Variants in ANAPC1 observed in about 807,000 individuals in gnomAD.
The protein encoded by ANAPC1 is anaphase promoting complex subunit 1.
ANAPC1 carries 36 observed loss-of-function variants against 208.0 expected under a neutral mutation model. That is an observed-to-expected ratio of 0.17 (90% CI 0.13 to 0.23). The LOEUF (loss-of-function observed/expected upper bound fraction) is 0.23, where lower values mean the gene tolerates loss of function less well. ANAPC1 is among the 10% of genes least tolerant of loss of function. The pLI is 1.00. For synonymous variants in ANAPC1, 378 were observed against 695.2 expected, an observed-to-expected ratio of 0.54 and a Z score of 7.18; for missense variants, 942 against 2,011.6, an observed-to-expected ratio of 0.47 and a Z score of 10.17.
Position 111,856,669 on chromosome 2 carries a change from G to C in ANAPC1, c.1460C>G (p.Thr487Ser), listed in dbSNP as rs201323726. ...KDAAPVEKID[T>S]MLVLEGSGNL... ...TCCACTGCCTTCCAAGACCAGCATG[G>C]TGTCTATTTTCTAAAAAAACAAAAA... is the stretch of plus-strand genomic sequence containing the variant. The change falls in exon 13 of 48, where the codon ACC becomes AGC. Residue 487 changes from threonine (T) to serine (S), a missense_variant. Coordinates refer to ENST00000341068, the MANE Select transcript of ANAPC1 (RefSeq NM_022662.4). The C allele has an allele frequency of 6.2e-7, 1 of 1,613,714 alleles. No homozygotes were observed. The highest frequency in any genetic ancestry group is 1.3e-5 in the African/African-American group (1 of 74,870).
chr2:111,852,009 A>G (rs920831600), intron 13 of ANAPC1, among the ~76,000 whole-genome samples: 14 of 152,060 alleles, frequency 9.2e-5, no homozygotes, highest in Non-Finnish European at 1.5e-4. Context: ...AGCTAACAAA[A>G]TAACAGAAGT....
At chr2:111,864,230 G>A (rs1412207706) in intron 8 of ANAPC1, among the ~76,000 whole-genome samples, 1 of 151,718 alleles carries the variant, frequency 6.6e-6, no homozygotes, top group Non-Finnish European at 1.5e-5. Context: ...GAAGGCTGAG[G>A]CAGGAGGATC....
In ANAPC1 at chr2:111,856,863, T is replaced by A; in HGVS notation, c.1382A>T (p.Asn461Ile). The part of the protein sequence containing the change: ...QLRCVKFQES[N>I]DKTQLIFGSV... ...ACCAAAGATGAGCTGGGTTTTATCATTACTCTCTTGAAACTTTACACAGCT... is the reference window on the plus strand; with the variant it reads ...ACCAAAGATGAGCTGGGTTTTATCAATACTCTCTTGAAACTTTACACAGCT... Residue 461 changes from asparagine (N) to isoleucine (I), a missense_variant, in exon 12 of 48, where the codon AAT becomes ATT. Transcript: ENST00000341068. 1 of 1,612,098 alleles carries A rather than the reference T, an allele frequency of 6.2e-7. No individual in the cohort carries two copies. Among genetic ancestry groups the A allele is most frequent in the Non-Finnish European group, 8.5e-7 (1 of 1,179,814 alleles).
chr2:111,833,385 G>C (rs1573420645), intron 19 of ANAPC1, 74 bp from the exon 20 acceptor site: 10 of 1,424,324 alleles, frequency 7.0e-6, no homozygotes. Context: ...GGATTGATTA[G>C]TTGAATCTTT....
At chr2:111,865,189 G>C (rs913528832) in intron 7 of ANAPC1, among the ~76,000 whole-genome samples, 3 of 151,800 alleles carry the variant, frequency 2.0e-5, no homozygotes, top group African/African-American at 7.3e-5. Flanking sequence ...CATACATGCT[G>C]TTGCTAAATG....
In ANAPC1 at chr2:111,850,805, G is replaced by C. The variant is rs745817374; in HGVS notation, c.1621C>G (p.Leu541Val). Residue 541 changes from leucine (L) to valine (V), a missense_variant, in exon 14 of 48, where the codon CTT (leucine) becomes GTT (valine). Leu to Val is a conservative substitution (Grantham distance 32). Transcript: ENST00000341068. ...PLDGVSTPKP[L>V]SKLLGSLDEV... ...TCCAATGATCCAAGGAGTTTACTAA[G>C]AGGCTTTGGAGTACTAACGCCATCT... The C allele has an allele frequency of 2.0e-5, 33 of 1,611,818 alleles. No individual in the cohort carries two copies. The highest frequency in any genetic ancestry group is 2.6e-5 in the Non-Finnish European group (31 of 1,179,866).
At chr2:111,838,756 T>C (rs946804430) in intron 17 of ANAPC1, among the ~76,000 whole-genome samples, 2 of 152,232 alleles carry the variant, frequency 1.3e-5, no homozygotes, top group African/African-American at 4.8e-5. Flanking sequence ...AAGGACTGAT[T>C]TTAATGGTAG....
chr2:111,882,680 T>A (rs965308484), intron 1 of ANAPC1, among the ~76,000 whole-genome samples: 1 of 148,462 alleles, frequency 6.7e-6, no homozygotes, highest in African/African-American at 2.5e-5. Context: ...GAGGTTGCAG[T>A]GAGCCGAGAT....
At chr2:111,878,424 TTCTC>T (rs1169291127) in intron 3 of ANAPC1, among the ~76,000 whole-genome samples, 4 of 152,224 alleles carry the variant, frequency 2.6e-5, no homozygotes, top group Non-Finnish European at 4.4e-5. Context: ...ATTTTTTCCT[TTCTC>T]TCTACCATTA....
In ANAPC1 at chr2:111,784,327, T is replaced by C. The variant is rs1312958980; in HGVS notation, c.4991A>G (p.Lys1664Arg). Reference protein sequence around the residue: ...PTLLPELHLLKQIKVKGPRYW... With the variant: ...PTLLPELHLLRQIKVKGPRYW... Reference sequence around the variant, plus strand: ...TCCCGACCACACCCAGCTTACCTGCTTTAAAAGATGGAGTTCTGGAAGAAG... The same window carrying C: ...TCCCGACCACACCCAGCTTACCTGCCTTAAAAGATGGAGTTCTGGAAGAAG... Residue 1664 changes from lysine to arginine, a missense_variant, in exon 41 of 48, where the codon AAG becomes AGG. Lys to Arg is a conservative substitution (Grantham distance 26, BLOSUM62 2). Coordinates refer to ENST00000341068, the MANE Select transcript of ANAPC1 (RefSeq NM_022662.4). The C allele has an allele frequency of 6.2e-7, 1 of 1,613,902 alleles. No homozygotes were observed. Among genetic ancestry groups the C allele is most frequent in the Non-Finnish European group, 8.5e-7 (1 of 1,179,860 alleles).
At chr2:111,882,894 G>A (rs565146987) in intron 1 of ANAPC1, among the ~76,000 whole-genome samples, 21 of 151,386 alleles carry the variant, frequency 1.4e-4, no homozygotes, top group Non-Finnish European at 2.4e-4. Context: ...GGGGCAGGGC[G>A]TGGTGGCTCA....
chr2:111,797,981 C>A (rs2104548347), intron 34 of ANAPC1, among the ~76,000 whole-genome samples: 1 of 127,394 alleles, frequency 7.8e-6, no homozygotes, highest in East Asian at 2.2e-4. Context: ...CTATCTGCGC[C>A]AAGAAAGATG....
intron 13 of ANAPC1, 28 bp downstream of exon 13, chr2:111,856,586 A>C (rs779986705): frequency 6.3e-7 from 1 of 1,585,362 alleles, no homozygotes. Context: ...AGTCCTACTA[A>C]AGGCATGAAG....
chr2:111,797,753 C>T (rs1002057859), intron 34 of ANAPC1, among the ~76,000 whole-genome samples: 8 of 139,696 alleles, frequency 5.7e-5, no homozygotes, highest in Non-Finnish European at 9.3e-5. Flanking sequence ...GCATTTGTAA[C>T]AAAAAACAGC....
intron 11 of ANAPC1, 41 bp from the exon 12 acceptor site, chr2:111,856,927 A>T (rs189853030): frequency 6.8e-7 from 1 of 1,474,062 alleles, no homozygotes; most frequent in East Asian, 2.3e-5. Flanking sequence ...ACATGCAACA[A>T]CCTGTATGGG....
chr2:111,864,840 T>C lies in ANAPC1; in HGVS notation c.797A>G (p.His266Arg). Residue 266 changes from histidine (H) to arginine (R), a missense_variant, in exon 8 of 48, where the codon CAT (histidine) becomes CGT (arginine). By Grantham distance (29) the His-to-Arg change is conservative. Transcript: ENST00000341068. ...GACTCTCCGGAGAGTCCACACAGAA[T>C]GCACATTTTGAACAGCATCATAAGT... Reference protein sequence around the residue: ...VMTYDAVQNVHSVWTLRRVKS... With the variant: ...VMTYDAVQNVRSVWTLRRVKS... 1.9e-6 allele frequency: 3 copies of C among 1,611,634 alleles called. No homozygotes were observed. Among genetic ancestry groups the C allele is most frequent in the Non-Finnish European group, 2.5e-6 (3 of 1,179,742 alleles).
intron 18 of ANAPC1, among the ~76,000 whole-genome samples, chr2:111,837,987 A>T (rs1192627053): frequency 6.7e-6 from 1 of 150,046 alleles, no homozygotes; most frequent in Non-Finnish European, 1.5e-5. Context: ...CAGGAGGCTG[A>T]GGCAGGAGAA....
intron 11 of ANAPC1, among the ~76,000 whole-genome samples, chr2:111,857,370 T>C (rs1344205545): frequency 7.2e-5 from 11 of 152,222 alleles, no homozygotes; most frequent in Non-Finnish European, 1.5e-4. Flanking sequence ...TTTCAAAATA[T>C]GAAGGTAAAT....
chr2:111,768,416 G>C lies in ANAPC1; in HGVS notation c.*875C>G, dbSNP rs1676545956. 1 of 151,928 alleles carries C rather than the reference G, an allele frequency of 6.6e-6. No individual in the cohort carries two copies. Among genetic ancestry groups the C allele is most frequent in the South Asian group, 2.1e-4 (1 of 4,822 alleles). 9.4% of individuals were successfully genotyped at this position (151,928 alleles called of 1,614,324 possible). On this transcript the variant is annotated 3_prime_UTR_variant, in exon 48 of 48. Transcript: ENST00000341068. ...TGGGCTGCCATAACAAAATACCACAGACTGGGTGGTTTCAACGACGGAAAT... is the reference window on the plus strand; with the variant it reads ...TGGGCTGCCATAACAAAATACCACACACTGGGTGGTTTCAACGACGGAAAT...
Sources: gnomAD v4.1 joint callset for allele counts (sites outside exome capture counted in the v4.1 genomes callset) on GRCh38, gnomAD v4.1.1 for gene constraint, MANE v1.5 for transcripts, NCBI Gene and HGNC (gene_info 2026-07-23, HGNC 2026-07-21) for gene names.